Variants in ADAM23 observed in about 807,000 individuals in gnomAD.
The protein encoded by ADAM23 is disintegrin and metalloproteinase domain-containing protein 23.
A neutral mutation model predicts 120.1 loss-of-function variants in ADAM23; 33 were observed. The observed-to-expected ratio is 0.27, with a 90% confidence interval of 0.21 to 0.37. ADAM23 has a LOEUF of 0.37. Ranked by LOEUF, ADAM23 falls within the 10% of genes least tolerant of loss-of-function variation. The pLI, the probability that ADAM23 is intolerant of heterozygous loss-of-function variation, is 1.00. For synonymous variants in ADAM23, 367 were observed against 375.2 expected, an observed-to-expected ratio of 0.98 and a Z score of 0.25; for missense variants, 862 against 1,058.2, an observed-to-expected ratio of 0.81 and a Z score of 2.57.
chr2:206,498,596 G>A (rs1227574261), intron 3 of ADAM23, among the ~76,000 whole-genome samples: 1 of 152,144 alleles, frequency 6.6e-6, no homozygotes, highest in Non-Finnish European at 1.5e-5. Context: ...CATGGGCAAG[G>A]ACTTCATGTC....
intron 3 of ADAM23, among the ~76,000 whole-genome samples, chr2:206,489,213 C>G (rs565976062): frequency 6.6e-6 from 1 of 152,256 alleles, no homozygotes; most frequent in Admixed American, 6.5e-5. Flanking sequence ...TGCTGTCTTA[C>G]GTCTTGGTTT....
At chr2:206,447,208 A>G (rs1282380980) in intron 2 of ADAM23, among the ~76,000 whole-genome samples, 3 of 152,204 alleles carry the variant, frequency 2.0e-5, no homozygotes, top group Non-Finnish European at 2.9e-5. Flanking sequence ...CTTCCGTGAT[A>G]ATAAGGTTTG....
intron 6 of ADAM23, among the ~76,000 whole-genome samples, chr2:206,546,363 A>G (rs1353669660): frequency 6.6e-6 from 1 of 152,166 alleles, no homozygotes; most frequent in Non-Finnish European, 1.5e-5. Flanking sequence ...GTTAGATATT[A>G]TTGATTTTAG....
chr2:206,617,531 G>A, intron 25 of ADAM23, 48 bp from the exon 26 acceptor site: 2 of 1,558,006 alleles, frequency 1.3e-6, no homozygotes, highest in Non-Finnish European at 1.7e-6. Flanking sequence ...GATTAATATT[G>A]TGGATTTTCC....
At chr2:206,478,692 A>G (rs1695834514) in intron 2 of ADAM23, among the ~76,000 whole-genome samples, 1 of 152,154 alleles carries the variant, frequency 6.6e-6, no homozygotes, top group Non-Finnish European at 1.5e-5. Flanking sequence ...ACCTTTTCAG[A>G]TTCATTGTTT....
chr2:206,583,943 A>G (rs1234932610), intron 18 of ADAM23, among the ~76,000 whole-genome samples: 3 of 152,022 alleles, frequency 2.0e-5, no homozygotes, highest in African/African-American at 7.3e-5. Context: ...TTGTTTTGTC[A>G]TATTACCAGA....
At chr2:206,508,764 G>A (rs940790567) in intron 3 of ADAM23, among the ~76,000 whole-genome samples, 5 of 152,090 alleles carry the variant, frequency 3.3e-5, no homozygotes, top group African/African-American at 1.2e-4. Flanking sequence ...CATGCATTGA[G>A]GTACCTACTA....
chr2:206,539,661 G>GT (rs1240254441), intron 4 of ADAM23, among the ~76,000 whole-genome samples: 2 of 152,174 alleles, frequency 1.3e-5, no homozygotes, highest in Non-Finnish European at 2.9e-5. Context: ...ATGATTGCCA[G>GT]TGCCCTTAAG....
intron 9 of ADAM23, among the ~76,000 whole-genome samples, chr2:206,550,532 C>G (rs929926466): frequency 2.7e-5 from 4 of 150,446 alleles, no homozygotes; most frequent in Non-Finnish European, 5.9e-5. Context: ...ATGGTAGATA[C>G]AATTGTAGGA....
chr2:206,595,030 A>G (rs1698497416), intron 23 of ADAM23, 125 bp downstream of exon 23: 2 of 1,273,744 alleles, frequency 1.6e-6, no homozygotes, highest in Non-Finnish European at 2.2e-6. Flanking sequence ...AAAATGCAAA[A>G]AATAGCTGGG....
At chr2:206,447,953 CTT>C (rs1234973939) in intron 2 of ADAM23, among the ~76,000 whole-genome samples, 1 of 152,172 alleles carries the variant, frequency 6.6e-6, no homozygotes, top group Non-Finnish European at 1.5e-5. Flanking sequence ...GTTGATCAAT[CTT>C]TATTACTTTA....
chr2:206,483,778 C>T (rs1699460490), intron 3 of ADAM23, among the ~76,000 whole-genome samples: 1 of 152,010 alleles, frequency 6.6e-6, no homozygotes, highest in Admixed American at 6.6e-5. Context: ...GGTTGGAAAG[C>T]AGCAGTTTCA....
chr2:206,492,463 G>A (rs990551689), intron 3 of ADAM23, among the ~76,000 whole-genome samples: 2 of 152,126 alleles, frequency 1.3e-5, no homozygotes, highest in African/African-American at 2.4e-5. Flanking sequence ...TATCTAATTC[G>A]TTTGTGCTGC....
At chr2:206,495,232 G>A (rs1263984662) in intron 3 of ADAM23, among the ~76,000 whole-genome samples, 1 of 152,190 alleles carries the variant, frequency 6.6e-6, no homozygotes, top group Non-Finnish European at 1.5e-5. Context: ...AGGAAAAAAT[G>A]TTAAGGGCAG....
intron 21 of ADAM23, among the ~76,000 whole-genome samples, chr2:206,591,090 G>C (rs1303999154): frequency 1.3e-5 from 2 of 152,130 alleles, no homozygotes; most frequent in African/African-American, 4.8e-5. Flanking sequence ...CCAGCACTTA[G>C]GGAGGCTGAG....
chr2:206,577,470 A>G (rs1202268512), intron 18 of ADAM23, among the ~76,000 whole-genome samples: 1 of 135,432 alleles, frequency 7.4e-6, no homozygotes, highest in Non-Finnish European at 1.6e-5. Context: ...TGTCCATGTG[A>G]TCTCATTGTT....
chr2:206,598,502 T>G (rs529985546), intron 24 of ADAM23, among the ~76,000 whole-genome samples: 2 of 152,184 alleles, frequency 1.3e-5, no homozygotes, highest in Non-Finnish European at 2.9e-5. Context: ...TATCCCACAC[T>G]ACCTTTAAAA....
At chr2:206,543,807 G>A (rs1670514900) in intron 6 of ADAM23, among the ~76,000 whole-genome samples, 1 of 151,906 alleles carries the variant, frequency 6.6e-6, no homozygotes, top group Non-Finnish European at 1.5e-5. Flanking sequence ...GCCATAAAAA[G>A]GAATGAAATA....
intron 4 of ADAM23, among the ~76,000 whole-genome samples, chr2:206,541,214 A>T (rs1237418319): frequency 6.6e-6 from 1 of 151,760 alleles, no homozygotes; most frequent in Non-Finnish European, 1.5e-5. Flanking sequence ...AGTACAACAA[A>T]GGAGCAAAAA....
Sources: allele counts gnomAD v4.1 joint callset (sites outside exome capture counted in the v4.1 genomes callset), GRCh38; gene constraint gnomAD v4.1.1; transcripts MANE v1.5; gene names NCBI Gene and HGNC (gene_info 2026-07-23, HGNC 2026-07-21).